SHE: variants seen among roughly 807,000 people sequenced by gnomAD.
The protein encoded by SHE is SH2 domain-containing adapter protein E.
SHE carries 11 observed loss-of-function variants against 49.8 expected under a neutral mutation model. The observed-to-expected ratio is 0.22, with a 90% CI of 0.14 to 0.37. The LOEUF (loss-of-function observed/expected upper bound fraction) is 0.37, where lower values mean the gene tolerates loss of function less well. Ranked by LOEUF, SHE falls within the 10% of genes least tolerant of loss-of-function variation. The pLI, the probability that SHE is intolerant of heterozygous loss-of-function variation, is 1.00. For synonymous variants in SHE, 310 were observed against 278.1 expected (o/e 1.11, Z -1.14); for missense variants, 624 against 655.5 (o/e 0.95, Z 0.52).
chr1:154,484,631 T>C (rs1658067040), intron 5 of SHE: 1 of 288,772 alleles, frequency 3.5e-6, no homozygotes, highest in East Asian at 6.4e-5. Context: ...GCAAAACCAG[T>C]GCTTACGCCC....
intron 2 of SHE, among the ~76,000 whole-genome samples, chr1:154,497,909 C>T (rs533078607): frequency 4.6e-5 from 7 of 151,872 alleles, no homozygotes; most frequent in Non-Finnish European, 8.8e-5. Context: ...TCTCGAACTC[C>T]CGACCTCAGG....
At chr1:154,473,129 G>A (rs1229495437) in intron 1 of SHE, among the ~76,000 whole-genome samples, 2 of 151,912 alleles carry the variant, frequency 1.3e-5, no homozygotes, top group Non-Finnish European at 2.9e-5. Context: ...CTCCCGAGTA[G>A]CTGGGATTAC....
In SHE at chr1:154,485,837, T is replaced by C. The variant is rs914893099; in HGVS notation, c.1301+106A>G. ...AACAAATGCCTCTTATTTTCTGCAA[T>C]GCACACCCCTGTGAAACACCTTCAC... On this transcript the variant is annotated intron_variant, in intron 5 of 5. Transcript: ENST00000304760. 5.5e-5 allele frequency: 76 copies of C among 1,384,270 alleles called. 1 individual carries two copies. Among genetic ancestry groups the C allele is most frequent in the Non-Finnish European group, 3.0e-6 (3 of 999,384 alleles). 85.7% of individuals were successfully genotyped at this position (1,384,270 alleles called of 1,614,324 possible).
In SHE at chr1:154,497,974, C is replaced by T. The variant is rs1049238604; in HGVS notation, c.718+1138G>A. Among the ~76,000 whole-genome samples, 4 of 152,094 alleles carry T rather than the reference C, an allele frequency of 2.6e-5. No homozygotes were observed. In the East Asian group the frequency reaches 7.7e-4, roughly 29 times the overall value. On this transcript the variant is annotated intron_variant, in intron 2 of 5. Coordinates refer to ENST00000304760, the MANE Select transcript of SHE (RefSeq NM_001010846.3). ...CTGGGATTACAGGTGTGAGCCACCA[C>T]ACCCAGCCAGCAGTAATTTATAATT...
intron 1 of SHE, among the ~76,000 whole-genome samples, chr1:154,473,206 G>T (rs1413087005): frequency 6.6e-6 from 1 of 151,900 alleles, no homozygotes; most frequent in Non-Finnish European, 1.5e-5. Context: ...CTCCGTGTTG[G>T]TCAGGCTGGT....
At chr1:154,484,673 T>C in intron 5 of SHE, 1 of 209,562 alleles carries the variant, frequency 4.8e-6, no homozygotes, top group East Asian at 1.1e-4. Context: ...AGGTAGAAAC[T>C]CATCCTCGGC....
rs2149290291 is a variant in SHE, at chr1:154,483,145, T to A, written c.*1004A>T. On this transcript the variant is annotated 3_prime_UTR_variant, in exon 6 of 6. Transcript: ENST00000304760. ...TTCTAATAATGATGCCAATGCCTAA[T>A]GATATTGGTGATTCTTAAACCTGGG... The A allele has an allele frequency of 1.0e-6, 1 of 984,272 alleles. No individual in the cohort carries two copies. The highest frequency in any genetic ancestry group is 1.7e-5 in the African/African-American group (1 of 57,332). 61.0% of individuals were successfully genotyped at this position (984,272 alleles called of 1,614,324 possible).
Position 154,489,119 on chromosome 1 carries a change from T to C in SHE, c.956A>G (p.Glu319Gly). The C allele has an allele frequency of 6.2e-7, 1 of 1,613,522 alleles. No individual in the cohort carries two copies. The highest frequency in any genetic ancestry group is 8.5e-7 in the Non-Finnish European group (1 of 1,179,682). Residue 319 changes from glutamate (E) to glycine (G), a missense_variant, in exon 3 of 6, where the codon GAG becomes GGG. By Grantham distance (98) the Glu-to-Gly change is moderately conservative. Transcript: ENST00000304760. ...PPDSRLPENDERPAAEYEQPW... is the reference protein window; with the variant it reads ...PPDSRLPENDGRPAAEYEQPW... ...CTGCTCGTACTCTGCCGCGGGCCTC[T>C]CGTCGTTCTCGGGCAGCCGGCTGTC...
At chr1:154,494,129 A>T (rs1692451921) in intron 2 of SHE, among the ~76,000 whole-genome samples, 1 of 152,208 alleles carries the variant, frequency 6.6e-6, no homozygotes, top group Non-Finnish European at 1.5e-5. Flanking sequence ...TCCTCCTGGA[A>T]TCAGAAACAG....
At chr1:154,476,286 T>C (rs114609191), downstream of SHE, among the ~76,000 whole-genome samples, 3,766 of 152,192 alleles carry the variant, frequency 0.025, 153 homozygotes, top group African/African-American at 0.086. Flanking sequence ...GTCAAGGTTG[T>C]GGTGAGCCAT....
At chr1:154,494,527 G>GTTT (rs199901392) in intron 2 of SHE, among the ~76,000 whole-genome samples, 6 of 126,400 alleles carry the variant, frequency 4.7e-5, no homozygotes, top group African/African-American at 5.8e-5. Context: ...GGAGTTTATA[G>GTTT]TTTTTTTTTT....
chr1:154,475,344 G>C (rs1163020663), downstream of SHE, among the ~76,000 whole-genome samples: 1 of 152,136 alleles, frequency 6.6e-6, no homozygotes, highest in Admixed American at 6.5e-5. Context: ...GCGCCACCAT[G>C]CCTGGCTAAT....
At chr1:154,494,110 A>C (rs1043097686) in intron 2 of SHE, among the ~76,000 whole-genome samples, 2 of 151,966 alleles carry the variant, frequency 1.3e-5, no homozygotes, top group Non-Finnish European at 2.9e-5. Flanking sequence ...GCCTCTTAAG[A>C]CTCTATTTTC....
downstream of SHE, among the ~76,000 whole-genome samples, chr1:154,479,298 G>C (rs1691959615): frequency 6.6e-6 from 1 of 151,998 alleles, no homozygotes; most frequent in South Asian, 2.1e-4. Context: ...CATAATAGAA[G>C]GACTCTAAAT....
At chr1:154,485,778 A>G in intron 5 of SHE, 165 bp downstream of exon 5, 1 of 701,560 alleles carries the variant, frequency 1.4e-6, no homozygotes, top group African/African-American at 1.8e-5. Flanking sequence ...CCAATTTTGC[A>G]TTCTCATCCA....
chr1:154,486,390 G>T, intron 4 of SHE, 137 bp downstream of exon 4: 1 of 1,232,378 alleles, frequency 8.1e-7, no homozygotes, highest in Non-Finnish European at 1.1e-6. Flanking sequence ...TTTGAAGATG[G>T]GTTTTCATTA....
At chr1:154,490,504 A>G (rs1463174971) in intron 2 of SHE, among the ~76,000 whole-genome samples, 1 of 152,164 alleles carries the variant, frequency 6.6e-6, no homozygotes, top group Admixed American at 6.5e-5. Context: ...ACTTGGATTG[A>G]CTCCAAGTGG....
In SHE at chr1:154,482,664, C is replaced by T. The variant is rs1467738491; in HGVS notation, c.*1485G>A. On this transcript the variant is annotated 3_prime_UTR_variant, in exon 6 of 6. Coordinates refer to ENST00000304760, the MANE Select transcript of SHE (RefSeq NM_001010846.3). ...AATTCTGGAGCCATTCACCATAGTA[C>T]TCTTCTCACAGTATGCCATTCCCAT... is the stretch of plus-strand genomic sequence containing the variant. 2 of 985,302 alleles carry T rather than the reference C, an allele frequency of 2.0e-6. No individual in the cohort carries two copies. The highest frequency in any genetic ancestry group is 2.4e-6 in the Non-Finnish European group (2 of 829,936). The allele number at this position is 985,302 out of a possible 1,614,324, so 61.0% of individuals were successfully genotyped here. A position where few individuals can be genotyped will look rare whatever the true frequency, so the allele number is the denominator to read the frequency against.
downstream of SHE, chr1:154,479,357 G>T: frequency 4.1e-6 from 1 of 244,504 alleles, no homozygotes; most frequent in Non-Finnish European, 6.6e-6. Context: ...GTTCCATCAT[G>T]GTGTTTCTAT....
Sources: allele counts gnomAD v4.1 joint callset (sites outside exome capture counted in the v4.1 genomes callset), GRCh38; gene constraint gnomAD v4.1.1; transcripts MANE v1.5; gene names NCBI Gene and HGNC (gene_info 2026-07-23, HGNC 2026-07-21).